The following LACTB variants were observed in gnomAD, a reference collection of about 807,000 sequenced individuals.
LACTB encodes lactamase beta, also known as serine beta-lactamase-like protein LACTB, mitochondrial.
A neutral mutation model predicts 50.2 loss-of-function variants in LACTB; 35 were observed. The observed-to-expected ratio is 0.70, with a 90% confidence interval of 0.53 to 0.92. The LOEUF (loss-of-function observed/expected upper bound fraction) is 0.92. Ranked by LOEUF, LACTB falls within the 40% of genes least tolerant of loss-of-function variation. The pLI is 0.00. For synonymous variants in LACTB, 252 were observed against 268.2 expected (o/e 0.94, Z 0.59); for missense variants, 664 against 691.8 (o/e 0.96, Z 0.45).
intron 2 of LACTB, among the ~76,000 whole-genome samples, chr15:63,124,713 G>A (rs1483387991): frequency 6.6e-6 from 1 of 152,146 alleles, no homozygotes; most frequent in Non-Finnish European, 1.5e-5. Flanking sequence ...AGCACTTTGA[G>A]AGGCAGAGGC....
At chr15:63,122,312 CG>C in intron 1 of LACTB, 84 bp downstream of exon 1, 1 of 1,165,458 alleles carries the variant, frequency 8.6e-7, no homozygotes, top group East Asian at 2.6e-5. Context: ...GGACCCCACC[CG>C]GGGCGGCGGG....
intron 5 of LACTB, among the ~76,000 whole-genome samples, chr15:63,135,492 G>T (rs936874386): frequency 6.6e-6 from 1 of 152,192 alleles, no homozygotes; most frequent in Non-Finnish European, 1.5e-5. Flanking sequence ...GAGGCCAAGA[G>T]GGGTGGATTG....
At position 63,141,694 on chromosome 15, in the gene LACTB, G is replaced by C. The variant is rs1163985910; in HGVS notation, c.1533G>C (p.Lys511Asn). 19 of 1,614,110 alleles carry C rather than the reference G, an allele frequency of 1.2e-5. No homozygotes were observed. The highest frequency in any genetic ancestry group is 1.5e-5 in the Non-Finnish European group (18 of 1,180,012). ...TGGATACAGAGACTATAAATAACAA[G>C]GTTCCCCCAAGAGGAATCATTGTTT... is the stretch of plus-strand genomic sequence containing the variant. ...EELDTETINN[K>N]VPPRGIIVSI... Residue 511 changes from lysine to asparagine, a missense_variant, in exon 6 of 6, where the codon AAG becomes AAC. Physicochemically the swap from Lys to Asn is moderately conservative, Grantham distance 94. Transcript: ENST00000261893.
chr15:63,123,678 C>A (rs2037008972), intron 2 of LACTB, among the ~76,000 whole-genome samples: 1 of 152,238 alleles, frequency 6.6e-6, no homozygotes, highest in South Asian at 2.1e-4. Context: ...TCACGTGGGT[C>A]ACGTGTCCAC....
rs1465023956 is a variant in LACTB, at chr15:63,141,560, G to A, written c.1399G>A (p.Val467Met). ...EGKYAMAWGV[V>M]ERKQTYGSCR... The stretch of plus-strand genomic sequence containing the variant: ...TAAATATGCAATGGCGTGGGGTGTT[G>A]TGGAAAGGAAACAAACGTATGGTTC... Residue 467 changes from valine to methionine, a missense_variant, in exon 6 of 6, where the codon GTG (valine) becomes ATG (methionine). By Grantham distance (21) the Val-to-Met change is conservative (BLOSUM62 1). Transcript: ENST00000261893. 1.2e-6 allele frequency: 2 copies of A among 1,614,090 alleles called. No homozygotes were observed. Among genetic ancestry groups the A allele is most frequent in the African/African-American group, 2.7e-5 (2 of 74,926 alleles).
At chr15:63,133,609 T>C (rs966115484) in intron 5 of LACTB, among the ~76,000 whole-genome samples, 31 of 152,174 alleles carry the variant, frequency 2.0e-4, no homozygotes, top group African/African-American at 7.5e-4. Flanking sequence ...AGCAAGATCC[T>C]GTCTCTAAAC....
intron 5 of LACTB, among the ~76,000 whole-genome samples, chr15:63,134,812 A>ATGTG (rs59941185): frequency 0.092 from 13,612 of 148,504 alleles, 666 homozygotes; most frequent in East Asian, 0.19. Flanking sequence ...TGTGTGTGTG[A>ATGTG]TGTGTGTGTG....
Position 63,122,065 on chromosome 15 carries a change from C to A in LACTB, c.194C>A (p.Pro65Gln). The A allele has an allele frequency of 1.4e-6, 2 of 1,436,588 alleles. No individual in the cohort carries two copies. Among genetic ancestry groups the A allele is most frequent in the South Asian group, 1.4e-5 (1 of 70,290 alleles). The allele number at this position is 1,436,588 out of a possible 1,614,324, so 89.0% of individuals were successfully genotyped here. The change falls in exon 1 of 6, where the codon CCG (proline) becomes CAG (glutamine). Residue 65 changes from proline (P) to glutamine (Q), a missense_variant. Pro to Gln is a moderately conservative substitution (Grantham distance 76). Coordinates refer to ENST00000261893, the MANE Select transcript of LACTB (RefSeq NM_032857.5). ...KLAGGLRGAAPAQSPAAPDPE... is the reference protein window; with the variant it reads ...KLAGGLRGAAQAQSPAAPDPE... ...GCAGGTGGGCTGAGGGGCGCGGCCC[C>A]GGCGCAGTCCCCCGCGGCCCCCGAC...
intron 2 of LACTB, among the ~76,000 whole-genome samples, chr15:63,124,979 A>T (rs941281846): frequency 2.6e-5 from 4 of 151,470 alleles, no homozygotes; most frequent in African/African-American, 9.7e-5. Flanking sequence ...AATGTTTCAT[A>T]TGCCATTTAA....
rs570011504 is a variant in LACTB, at chr15:63,122,135, C to T, written c.264C>T (p.Leu88=). Reference sequence around the variant, plus strand: ...CCGAGCCGCCACAGGAGCAGTCCCTCGCCCCGTGGTCTCCGCAGACCCCGG... The same window carrying T: ...CCGAGCCGCCACAGGAGCAGTCCCTTGCCCCGTGGTCTCCGCAGACCCCGG... The part of the protein sequence containing the change: ...PLAEPPQEQS[L]APWSPQTPAP... Residue 88 remains leucine, a synonymous_variant, in exon 1 of 6, where the codon CTC becomes CTT. Coordinates refer to ENST00000261893, the MANE Select transcript of LACTB (RefSeq NM_032857.5). 2.0e-6 allele frequency: 3 copies of T among 1,498,660 alleles called. No individual in the cohort carries two copies. Among genetic ancestry groups the T allele is most frequent in the East Asian group, 2.7e-5 (1 of 36,678 alleles). 92.8% of individuals were successfully genotyped at this position (1,498,660 alleles called of 1,614,324 possible). A position where few individuals can be genotyped will look rare whatever the true frequency, so the allele number is the denominator to read the frequency against.
At chr15:63,139,239 G>T (rs575555737) in intron 5 of LACTB, among the ~76,000 whole-genome samples, 1 of 150,820 alleles carries the variant, frequency 6.6e-6, no homozygotes, top group East Asian at 1.9e-4. Flanking sequence ...AGTGGTGCAT[G>T]CCTGTAATCC....
intron 5 of LACTB, among the ~76,000 whole-genome samples, chr15:63,135,769 C>T (rs2037170430): frequency 6.6e-6 from 1 of 152,144 alleles, no homozygotes; most frequent in Non-Finnish European, 1.5e-5. Flanking sequence ...AAAAAAGATT[C>T]TCTAGTAAAG....
At chr15:63,137,530 G>A (rs561344487) in intron 5 of LACTB, among the ~76,000 whole-genome samples, 86 of 152,064 alleles carry the variant, frequency 5.7e-4, no homozygotes, top group Non-Finnish European at 1.0e-3. Context: ...TATGGGGTAC[G>A]TGAGATGTTT....
rs1185596927 is a variant in LACTB, at chr15:63,141,716, G to A, written c.1555G>A (p.Val519Ile). Residue 519 changes from valine to isoleucine, a missense_variant, in exon 6 of 6, where the codon GTT (valine) becomes ATT (isoleucine). Transcript: ENST00000261893. ...NNKVPPRGII[V>I]SIICNMQSVG... The stretch of plus-strand genomic sequence containing the variant: ...CAAGGTTCCCCCAAGAGGAATCATT[G>A]TTTCTATCATATGTAACATGCAATC... The A allele has an allele frequency of 1.2e-6, 2 of 1,614,036 alleles. No individual in the cohort carries two copies. Among genetic ancestry groups the A allele is most frequent in the African/African-American group, 2.7e-5 (2 of 74,908 alleles).
chr15:63,122,017 G>T lies in LACTB; in HGVS notation c.146G>T (p.Gly49Val). 1 of 1,398,838 alleles carries T rather than the reference G, an allele frequency of 7.1e-7. No individual in the cohort carries two copies. The highest frequency in any genetic ancestry group is 1.5e-5 in the African/African-American group (1 of 66,416). The allele number at this position is 1,398,838 out of a possible 1,614,324, so 86.7% of individuals were successfully genotyped here. Residue 49 changes from glycine (G) to valine (V), a missense_variant, in exon 1 of 6, where the codon GGG becomes GTG. Transcript: ENST00000261893. ...GWVGGLGLGLGLALGVKLAGG... is the reference protein window; with the variant it reads ...GWVGGLGLGLVLALGVKLAGG... ...GTCGGGGGCCTCGGGCTGGGGCTGG[G>T]GCTGGCGCTCGGGGTGAAGCTGGCA...
intron 3 of LACTB, 39 bp downstream of exon 3, chr15:63,127,088 A>C: frequency 7.1e-7 from 1 of 1,412,454 alleles, no homozygotes. Context: ...ATGGCATGTT[A>C]AATGGTTTAT....
rs1482676416 is a variant in LACTB, at chr15:63,141,514, G to C, written c.1353G>C (p.Glu451Asp). 1 of 1,614,206 alleles carries C rather than the reference G, an allele frequency of 6.2e-7. No homozygotes were observed. Among genetic ancestry groups the C allele is most frequent in the Non-Finnish European group, 8.5e-7 (1 of 1,180,038 alleles). The change falls in exon 6 of 6, where the codon GAG (glutamate) becomes GAC (aspartate). Residue 451 changes from glutamate (E) to aspartate (D), a missense_variant. Coordinates refer to ENST00000261893, the MANE Select transcript of LACTB (RefSeq NM_032857.5). ...TGTGGACCCCAGTCCCTAACACAGA[G>C]ATGTCTTGGGATAAAGAGGGTAAAT... ...VMMWTPVPNT[E>D]MSWDKEGKYA...
At chr15:63,134,220 T>C (rs2037156369) in intron 5 of LACTB, among the ~76,000 whole-genome samples, 1 of 151,346 alleles carries the variant, frequency 6.6e-6, no homozygotes, top group East Asian at 1.9e-4. Flanking sequence ...CCAGGATTTC[T>C]TTTTTTTTAA....
At chr15:63,132,269 T>G (rs2037141251) in intron 5 of LACTB, among the ~76,000 whole-genome samples, 1 of 152,146 alleles carries the variant, frequency 6.6e-6, no homozygotes. Flanking sequence ...GTGTACCCAG[T>G]GTTTAGCCCC....
Sources: gnomAD v4.1 joint callset for allele counts (sites outside exome capture counted in the v4.1 genomes callset) on GRCh38, gnomAD v4.1.1 for gene constraint, MANE v1.5 for transcripts, NCBI Gene and HGNC (gene_info 2026-07-23, HGNC 2026-07-21) for gene names.